VAV3: variants seen among roughly 807,000 people sequenced by gnomAD.
VAV3 encodes the protein guanine nucleotide exchange factor VAV3.
A neutral mutation model predicts 131.2 loss-of-function variants in VAV3; 94 were observed. The ratio of observed to expected loss-of-function variants is 0.72; its 90% CI spans 0.61 to 0.85. The LOEUF (loss-of-function observed/expected upper bound fraction) is 0.85. Ranked by LOEUF, VAV3 falls within the 40% of genes least tolerant of loss-of-function variation. VAV3 has a pLI of 0.00. For missense variants in VAV3, 939 were observed against 1,002.7 expected, an observed-to-expected ratio of 0.94 and a Z score of 0.86; for synonymous variants, 349 against 342.0, an observed-to-expected ratio of 1.02 and a Z score of -0.22.
chr1:107,896,262 GA>G (rs771864895), intron 1 of VAV3, among the ~76,000 whole-genome samples: 1 of 152,170 alleles, frequency 6.6e-6, no homozygotes, highest in Non-Finnish European at 1.5e-5. Context: ...TCTCCACTTA[GA>G]GACACAGACT....
intron 1 of VAV3, among the ~76,000 whole-genome samples, chr1:107,888,364 C>T (rs1485981510): frequency 6.6e-6 from 1 of 152,224 alleles, no homozygotes; most frequent in Non-Finnish European, 1.5e-5. Context: ...AGGCAACCTA[C>T]TCTCCCCTCT....
At chr1:107,843,820 C>T (rs1395217279) in intron 2 of VAV3, among the ~76,000 whole-genome samples, 2 of 151,882 alleles carry the variant, frequency 1.3e-5, no homozygotes, top group Non-Finnish European at 2.9e-5. Context: ...TAGGATAAAA[C>T]GTACCCCTAC....
At chr1:107,601,214 C>T (rs1228777532) in intron 24 of VAV3, among the ~76,000 whole-genome samples, 1 of 152,152 alleles carries the variant, frequency 6.6e-6, no homozygotes, top group Non-Finnish European at 1.5e-5. Context: ...AGGGAGGATG[C>T]CTGGATCTTG....
chr1:107,700,529 A>G (rs1017858844), intron 17 of VAV3, among the ~76,000 whole-genome samples: 10 of 152,010 alleles, frequency 6.6e-5, no homozygotes, highest in African/African-American at 2.2e-4. Flanking sequence ...TTCAGCTCCC[A>G]CTTATGAGTG....
At chr1:107,770,286 C>T (rs540969723) in intron 6 of VAV3, among the ~76,000 whole-genome samples, 1 of 152,228 alleles carries the variant, frequency 6.6e-6, no homozygotes, top group East Asian at 1.9e-4. Context: ...CAGCCCTCCC[C>T]CCCCATCACT....
intron 2 of VAV3, among the ~76,000 whole-genome samples, chr1:107,812,381 C>T (rs189437403): frequency 2.6e-5 from 4 of 152,170 alleles, no homozygotes; most frequent in African/African-American, 7.2e-5. Flanking sequence ...TTGTGTCACA[C>T]GTGTGCCCGT....
chr1:107,625,177 C>T (rs554562288), intron 20 of VAV3, among the ~76,000 whole-genome samples: 1 of 152,156 alleles, frequency 6.6e-6, no homozygotes, highest in South Asian at 2.1e-4. Flanking sequence ...CCACAGTACT[C>T]CACTCAGTCA....
chr1:107,873,116 A>G (rs767510914), intron 2 of VAV3, among the ~76,000 whole-genome samples: 13 of 152,158 alleles, frequency 8.5e-5, no homozygotes, highest in Non-Finnish European at 1.8e-4. Context: ...ATTCTGTTTC[A>G]GATCTACCAC....
chr1:107,934,058 T>C (rs184921757), intron 1 of VAV3, among the ~76,000 whole-genome samples: 1 of 152,308 alleles, frequency 6.6e-6, no homozygotes, highest in Non-Finnish European at 1.5e-5. Flanking sequence ...TCAGTGACCA[T>C]ACTCAAAAAG....
intron 17 of VAV3, among the ~76,000 whole-genome samples, chr1:107,701,658 A>AT (rs1660141221): frequency 6.6e-6 from 1 of 152,138 alleles, no homozygotes; most frequent in Non-Finnish European, 1.5e-5. Context: ...AAATTCTCCA[A>AT]CCTTTTATGC....
At chr1:107,614,373 C>T (rs1473456207) in intron 21 of VAV3, among the ~76,000 whole-genome samples, 5 of 151,960 alleles carry the variant, frequency 3.3e-5, no homozygotes, top group African/African-American at 1.2e-4. Flanking sequence ...CCCCGATAAA[C>T]AATATATCCC....
intron 24 of VAV3, among the ~76,000 whole-genome samples, chr1:107,597,273 C>T (rs537842030): frequency 1.3e-5 from 2 of 150,098 alleles, no homozygotes; most frequent in African/African-American, 4.9e-5. Flanking sequence ...TTCTAAAAAT[C>T]CCACTGCCAT....
Position 107,749,324 on chromosome 1 carries a change from A to C in VAV3, c.1392+138T>G, listed in dbSNP as rs1663556518. 4 of 1,025,978 alleles carry C rather than the reference A, an allele frequency of 3.9e-6. No individual in the cohort carries two copies. In the South Asian group the frequency reaches 7.1e-5, roughly 18 times the overall value. The allele number at this position is 1,025,978 out of a possible 1,614,324, so 63.6% of individuals were successfully genotyped here. A position where few individuals can be genotyped will look rare whatever the true frequency, so the allele number is the denominator to read the frequency against. On this transcript the variant is annotated intron_variant, in intron 14 of 26. Transcript: ENST00000370056. ...TGGCATTATCCAGTTATTTCTCACA[A>C]AGTTATGTACCTAATCAATCTCTAG...
intron 19 of VAV3, among the ~76,000 whole-genome samples, chr1:107,680,938 G>C (rs988235480): frequency 2.6e-5 from 4 of 152,064 alleles, no homozygotes; most frequent in African/African-American, 9.7e-5. Flanking sequence ...TCAGCAGGAG[G>C]AATTTAAAAA....
intron 19 of VAV3, among the ~76,000 whole-genome samples, chr1:107,657,315 G>A (rs1656642311): frequency 3.3e-5 from 5 of 152,150 alleles, no homozygotes; most frequent in Admixed American, 2.0e-4. Context: ...TTTAACAGCA[G>A]TTAGGTCAAT....
intron 2 of VAV3, among the ~76,000 whole-genome samples, chr1:107,806,611 T>G (rs17020078): frequency 0.15 from 22,996 of 152,160 alleles, 2,015 homozygotes; most frequent in East Asian, 0.29. Context: ...AATATTTTTA[T>G]TGTAAATCCT....
intron 25 of VAV3, among the ~76,000 whole-genome samples, chr1:107,589,998 G>T (rs917897830): frequency 1.3e-5 from 2 of 152,114 alleles, no homozygotes; most frequent in African/African-American, 4.8e-5. Context: ...CCAAAATACT[G>T]ACTAAAAATG....
chr1:107,658,742 GTCT>G (rs1656777514), intron 19 of VAV3, among the ~76,000 whole-genome samples: 2 of 152,182 alleles, frequency 1.3e-5, no homozygotes, highest in Admixed American at 1.3e-4. Flanking sequence ...CTGCATAAAT[GTCT>G]TCTTTTGAGA....
intron 2 of VAV3, among the ~76,000 whole-genome samples, chr1:107,801,264 T>C (rs1010237227): frequency 6.6e-6 from 1 of 152,180 alleles, no homozygotes; most frequent in Non-Finnish European, 1.5e-5. Flanking sequence ...AGCTTTGTAG[T>C]TGTTGCTCAG....
Sources: gnomAD v4.1 joint callset for allele counts (sites outside exome capture counted in the v4.1 genomes callset) on GRCh38, gnomAD v4.1.1 for gene constraint, MANE v1.5 for transcripts, NCBI Gene and HGNC (gene_info 2026-07-23, HGNC 2026-07-21) for gene names.